Variants in FHIT observed in about 807,000 individuals in gnomAD.
FHIT encodes bis(5'-adenosyl)-triphosphatase.
FHIT carries 19 observed loss-of-function variants against 17.9 expected under a neutral mutation model. The observed-to-expected ratio is 1.06, with a 90% CI of 0.74 to 1.56. The LOEUF (loss-of-function observed/expected upper bound fraction) is 1.56. Among genes scored for constraint, FHIT ranks in the 40% most tolerant of loss-of-function variants. FHIT has a pLI of 0.00. For synonymous variants in FHIT, 81 were observed against 69.7 expected (o/e 1.16, Z -0.81); for missense variants, 248 against 189.2 (o/e 1.31, Z -1.82).
chr3:60,824,265 T>C (rs1174001239), intron 3 of FHIT, among the ~76,000 whole-genome samples: 2 of 152,188 alleles, frequency 1.3e-5, no homozygotes, highest in Non-Finnish European at 2.9e-5. Flanking sequence ...GTCAGTCCTA[T>C]GCGAAATATT....
At chr3:61,140,170 A>T (rs2037039409) in intron 2 of FHIT, among the ~76,000 whole-genome samples, 1 of 152,174 alleles carries the variant, frequency 6.6e-6, no homozygotes, top group Non-Finnish European at 1.5e-5. Context: ...AACACTCTGA[A>T]CTTATTCAGT....
chr3:60,974,736 T>C (rs1302987667), intron 3 of FHIT, among the ~76,000 whole-genome samples: 1 of 152,138 alleles, frequency 6.6e-6, no homozygotes, highest in Non-Finnish European at 1.5e-5. Flanking sequence ...ATTAGGAACA[T>C]GTTTTTGTGG....
chr3:60,579,434 G>T (rs1315827909), intron 4 of FHIT, among the ~76,000 whole-genome samples: 1 of 152,080 alleles, frequency 6.6e-6, no homozygotes, highest in Non-Finnish European at 1.5e-5. Context: ...TCATTATGTG[G>T]TGCATGACTG....
chr3:60,233,275 A>T (rs1227395371), intron 5 of FHIT, among the ~76,000 whole-genome samples: 1 of 152,160 alleles, frequency 6.6e-6, no homozygotes, highest in Non-Finnish European at 1.5e-5. Flanking sequence ...GATGCCTGGC[A>T]ATCCATGATT....
chr3:60,487,787 G>T (rs1175396881), intron 5 of FHIT, among the ~76,000 whole-genome samples: 1 of 152,118 alleles, frequency 6.6e-6, no homozygotes, highest in Non-Finnish European at 1.5e-5. Context: ...AGATGATGAA[G>T]TCTTTAATGC....
chr3:60,136,001 T>C (rs1465810988), intron 5 of FHIT, among the ~76,000 whole-genome samples: 1 of 152,176 alleles, frequency 6.6e-6, no homozygotes, highest in East Asian at 1.9e-4. Flanking sequence ...ACAATATATG[T>C]ATTTGAGTAA....
intron 5 of FHIT, among the ~76,000 whole-genome samples, chr3:60,156,854 C>G (rs1700720376): frequency 6.6e-6 from 1 of 152,054 alleles, no homozygotes; most frequent in Admixed American, 6.6e-5. Flanking sequence ...GTGACTCTGT[C>G]CTCTTGGCAA....
chr3:60,169,587 C>T (rs1190083465), intron 5 of FHIT, among the ~76,000 whole-genome samples: 3 of 152,224 alleles, frequency 2.0e-5, no homozygotes, highest in African/African-American at 7.2e-5. Flanking sequence ...TTAGAAACAT[C>T]ACAACCCATG....
chr3:60,070,838 G>C (rs1252723828), intron 5 of FHIT, among the ~76,000 whole-genome samples: 1 of 152,160 alleles, frequency 6.6e-6, no homozygotes, highest in Non-Finnish European at 1.5e-5. Context: ...CTTCAAAATA[G>C]TTGGATGGCA....
At chr3:60,266,225 AT>A in intron 5 of FHIT, among the ~76,000 whole-genome samples, 1 of 152,258 alleles carries the variant, frequency 6.6e-6, no homozygotes, top group South Asian at 2.1e-4. Context: ...CAATAAAAAA[AT>A]AAAGTACTGA....
intron 4 of FHIT, among the ~76,000 whole-genome samples, chr3:60,574,131 T>C (rs572050398): frequency 2.2e-4 from 34 of 152,206 alleles, no homozygotes; most frequent in African/African-American, 8.2e-4. Flanking sequence ...CTTCTGACTA[T>C]TGTGTTCTAC....
At chr3:60,583,970 T>C (rs551879035) in intron 4 of FHIT, among the ~76,000 whole-genome samples, 7 of 152,078 alleles carry the variant, frequency 4.6e-5, no homozygotes, top group African/African-American at 7.2e-5. Context: ...GAATCTGGAA[T>C]CTGAAAATGA....
intron 4 of FHIT, among the ~76,000 whole-genome samples, chr3:60,700,877 C>T (rs1357012933): frequency 6.6e-6 from 1 of 152,024 alleles, no homozygotes; most frequent in Admixed American, 6.6e-5. Context: ...TGTGAATTGC[C>T]AATTAATATC....
chr3:61,001,875 T>C (rs1368525572), intron 3 of FHIT, among the ~76,000 whole-genome samples: 1 of 152,234 alleles, frequency 6.6e-6, no homozygotes, highest in African/African-American at 2.4e-5. Flanking sequence ...GCCAATTTCT[T>C]GGTTTTTATA....
chr3:60,472,848 T>A (rs1448921085), intron 5 of FHIT, among the ~76,000 whole-genome samples: 1 of 151,952 alleles, frequency 6.6e-6, no homozygotes, highest in East Asian at 1.9e-4. Flanking sequence ...GGGGTGGGGG[T>A]GGAGAATTTA....
intron 5 of FHIT, among the ~76,000 whole-genome samples, chr3:60,340,018 C>A (rs893024925): frequency 1.3e-5 from 2 of 152,104 alleles, no homozygotes; most frequent in African/African-American, 4.8e-5. Context: ...GCAAACATGT[C>A]AAATTATGCT....
chr3:61,049,683 T>C (rs1308464294), intron 2 of FHIT, among the ~76,000 whole-genome samples: 3 of 152,208 alleles, frequency 2.0e-5, no homozygotes, highest in African/African-American at 7.2e-5. Flanking sequence ...GACTCCAGAC[T>C]AAATACCAGG....
intron 5 of FHIT, among the ~76,000 whole-genome samples, chr3:60,462,229 C>T (rs1006926246): frequency 2.0e-5 from 3 of 152,174 alleles, no homozygotes; most frequent in Non-Finnish European, 2.9e-5. Context: ...ACATCAGCTG[C>T]CGTTCTAATA....
At chr3:60,172,670 C>A (rs1258083219) in intron 5 of FHIT, among the ~76,000 whole-genome samples, 1 of 152,012 alleles carries the variant, frequency 6.6e-6, no homozygotes, top group Non-Finnish European at 1.5e-5. Flanking sequence ...AACAGAGACC[C>A]TGTAGTGGAA....
Sources: allele counts gnomAD v4.1 joint callset (sites outside exome capture counted in the v4.1 genomes callset), GRCh38; gene constraint gnomAD v4.1.1; transcripts MANE v1.5; gene names NCBI Gene and HGNC (gene_info 2026-07-23, HGNC 2026-07-21).